The following ATP1A2 variants were observed in gnomAD, a reference collection of about 807,000 sequenced individuals.
ATP1A2 encodes ATPase Na+/K+ transporting subunit alpha 2.
A neutral mutation model predicts 113.1 loss-of-function variants in ATP1A2; 56 were observed. The ratio of observed to expected loss-of-function variants is 0.49; its 90% CI spans 0.40 to 0.62. The LOEUF (loss-of-function observed/expected upper bound fraction) is 0.62. ATP1A2 is among the 20% of genes least tolerant of loss of function. The pLI is 0.00. For missense variants in ATP1A2, 712 were observed against 1,357.8 expected, an observed-to-expected ratio of 0.52 and a Z score of 7.47; for synonymous variants, 490 against 526.8, an observed-to-expected ratio of 0.93 and a Z score of 0.96.
intron 1 of ATP1A2, among the ~76,000 whole-genome samples, chr1:160,120,624 C>T (rs1370423741): frequency 3.9e-5 from 6 of 152,154 alleles, no homozygotes; most frequent in African/African-American, 1.4e-4. Flanking sequence ...TTTCAACAAA[C>T]AAAATCTTAG....
chr1:160,141,420 G>A lies in ATP1A2; in HGVS notation c.*98G>A. ...GGATGGAAATAACGGGTGGCATTGG[G>A]TGGCAACATTTGGGGAGAGATAATG... On this transcript the variant is annotated 3_prime_UTR_variant, in exon 23 of 23. Coordinates refer to ENST00000361216, the MANE Select transcript of ATP1A2 (RefSeq NM_000702.4). 6.6e-7 allele frequency: 1 copy of A among 1,520,600 alleles called. No homozygotes were observed. Among genetic ancestry groups the A allele is most frequent in the Non-Finnish European group, 9.1e-7 (1 of 1,097,202 alleles). 94.2% of individuals were successfully genotyped at this position (1,520,600 alleles called of 1,614,324 possible). A position where few individuals can be genotyped will look rare whatever the true frequency, so the allele number is the denominator to read the frequency against.
At chr1:160,125,968 G>A (rs796395956) in intron 7 of ATP1A2, among the ~76,000 whole-genome samples, 94 of 152,330 alleles carry the variant, frequency 6.2e-4, no homozygotes, top group African/African-American at 2.2e-3. Context: ...TAGGAGGGAA[G>A]AGACAGAAAG....
At chr1:160,138,829 C>A (rs1335313391) in intron 20 of ATP1A2, among the ~76,000 whole-genome samples, 2 of 149,636 alleles carry the variant, frequency 1.3e-5, no homozygotes, top group African/African-American at 2.5e-5. Flanking sequence ...GACTCTGTCT[C>A]AGAAAAAAAA....
At chr1:160,119,836 A>C (rs1346308754) in intron 1 of ATP1A2, among the ~76,000 whole-genome samples, 2 of 151,852 alleles carry the variant, frequency 1.3e-5, no homozygotes, top group Non-Finnish European at 2.9e-5. Context: ...CTAAAAAAAA[A>C]AAAAAAAAAG....
At chr1:160,131,513 C>A (rs1250042578) in intron 13 of ATP1A2, among the ~76,000 whole-genome samples, 1 of 152,096 alleles carries the variant, frequency 6.6e-6, no homozygotes, top group Non-Finnish European at 1.5e-5. Flanking sequence ...CCGAGGCAGG[C>A]ATCATTATCC....
At chr1:160,127,375 T>C (rs527635663) in intron 7 of ATP1A2, among the ~76,000 whole-genome samples, 177 bp from the exon 8 acceptor site, 14 of 152,332 alleles carry the variant, frequency 9.2e-5, no homozygotes, top group African/African-American at 3.1e-4. Flanking sequence ...GATTCAAGGA[T>C]TGGCGATCTA....
intron 4 of ATP1A2, 137 bp downstream of exon 4, chr1:160,123,553 G>A: frequency 2.7e-6 from 3 of 1,114,286 alleles, no homozygotes; most frequent in Non-Finnish European, 4.0e-6. Flanking sequence ...AGGCTGGAAA[G>A]GGGAGAGGCT....
rs1434681546 is a variant in ATP1A2, at chr1:160,135,395, A to AAG, written c.2116-38_2116-37dup. 1.2e-6 allele frequency: 2 copies of AAG among 1,614,078 alleles called. No individual in the cohort carries two copies. Among genetic ancestry groups the AAG allele is most frequent in the South Asian group, 2.2e-5 (2 of 91,074 alleles). On this transcript the variant is annotated intron_variant, in intron 15 of 22. Coordinates refer to ENST00000361216, the MANE Select transcript of ATP1A2 (RefSeq NM_000702.4). This position sits in a 1 kb window ranked among gnomAD's most constrained non-coding sequence, Gnocchi z 6.3. The stretch of plus-strand genomic sequence containing the variant: ...TGAGAGGCGAGGAGCCAGGCTTGGG[A>AAG]AGGGGTTTCGTCCTCAAGTGTGGCC...
At position 160,130,253 on chromosome 1, in the gene ATP1A2, C is replaced by T. The variant is rs746074255; in HGVS notation, c.1613C>T (p.Ala538Val). Residue 538 changes from alanine to valine, a missense_variant, in exon 12 of 23, where the codon GCC becomes GTC. This residue lies in a region of ATP1A2 where 263 missense variants were observed against 380.6 expected (regional missense o/e 0.69). Transcript: ENST00000361216. The stretch of plus-strand genomic sequence containing the variant: ...GAGATGCAAGATGCCTTTCAAAATG[C>T]CTACATGGAGCTGGGGGGACTTGGG... The part of the protein sequence containing the change: ...DKEMQDAFQN[A>V]YMELGGLGER... The T allele has an allele frequency of 6.2e-7, 1 of 1,614,150 alleles. No homozygotes were observed.
intron 13 of ATP1A2, 97 bp from the exon 14 acceptor site, chr1:160,134,387 C>A (rs1368862023): frequency 6.4e-7 from 1 of 1,573,024 alleles, no homozygotes; most frequent in Non-Finnish European, 8.7e-7. Flanking sequence ...CATCCCCAGA[C>A]ATCTCGCTAT....
intron 4 of ATP1A2, among the ~76,000 whole-genome samples, 165 bp from the exon 5 acceptor site, chr1:160,123,777 AG>A (rs1371292571): frequency 6.6e-6 from 1 of 152,166 alleles, no homozygotes; most frequent in Non-Finnish European, 1.5e-5. Context: ...TGGCAGATCA[AG>A]GGGGAGGTTA....
intron 22 of ATP1A2, 54 bp downstream of exon 22, chr1:160,140,038 C>G: frequency 1.9e-6 from 3 of 1,545,006 alleles, no homozygotes; most frequent in African/African-American, 2.7e-5. Flanking sequence ...ACCAGCTCCT[C>G]CCTCCAGGAC....
At chr1:160,116,370 C>T (rs540074256) in intron 1 of ATP1A2, among the ~76,000 whole-genome samples, 6 of 152,172 alleles carry the variant, frequency 3.9e-5, no homozygotes, top group African/African-American at 7.2e-5. Flanking sequence ...CAAGTAGTTC[C>T]GGACACCAGC....
intron 20 of ATP1A2, chr1:160,137,283 C>CGAG: frequency 3.8e-5 from 21 of 554,138 alleles, no homozygotes; most frequent in East Asian, 1.7e-4. Flanking sequence ...TTCTTTCCCC[C>CGAG]ATCTCCTACT....
intron 8 of ATP1A2, 25 bp from the exon 9 acceptor site, chr1:160,128,624 CTTT>C: frequency 6.2e-7 from 1 of 1,614,084 alleles, no homozygotes; most frequent in African/African-American, 1.3e-5. Flanking sequence ...CAGCCTTAAC[CTTT>C]TTTATTCTCC....
rs1297047476 is a variant in ATP1A2, at chr1:160,135,813, C to A, written c.2285-26C>A. 6.2e-7 allele frequency: 1 copy of A among 1,613,996 alleles called. No homozygotes were observed. The highest frequency in any genetic ancestry group is 8.5e-7 in the Non-Finnish European group (1 of 1,180,004). Reference sequence around the variant, plus strand: ...GTGGGGAAGAGTCCCTCTGACCTCCCTGATGCCCTCAGAATCTCCCCACAG... The same window carrying A: ...GTGGGGAAGAGTCCCTCTGACCTCCATGATGCCCTCAGAATCTCCCCACAG... On this transcript the variant is annotated intron_variant, in intron 16 of 22. Coordinates refer to ENST00000361216, the MANE Select transcript of ATP1A2 (RefSeq NM_000702.4). The surrounding 1 kb of genome is among the most constrained non-coding windows in gnomAD (Gnocchi z 6.3).
chr1:160,139,312 T>A (rs537020756), intron 20 of ATP1A2, among the ~76,000 whole-genome samples: 11 of 152,244 alleles, frequency 7.2e-5, no homozygotes, highest in Non-Finnish European at 1.5e-4. Context: ...ATGGGCCCTG[T>A]GCCTGGAGCA....
intron 4 of ATP1A2, among the ~76,000 whole-genome samples, chr1:160,123,733 T>C (rs1651496012): frequency 6.6e-6 from 1 of 152,172 alleles, no homozygotes; most frequent in Non-Finnish European, 1.5e-5. Context: ...CCTAAGACTT[T>C]CCCTCCCATT....
chr1:160,134,569 T>C lies in ATP1A2; in HGVS notation c.1913T>C (p.Val638Ala), dbSNP rs1037666327. Reference sequence around the variant, plus strand: ...ATCATATCAGAGGGTAACGAGACTGTGGAGGACATTGCAGCCCGGCTCAAC... The same window carrying C: ...ATCATATCAGAGGGTAACGAGACTGCGGAGGACATTGCAGCCCGGCTCAAC... ...VGIISEGNET[V>A]EDIAARLNIP... The change falls in exon 14 of 23, where the codon GTG (valine) becomes GCG (alanine). Residue 638 changes from valine (V) to alanine (A), a missense_variant. This residue lies in a region of ATP1A2 where 263 missense variants were observed against 380.6 expected (regional missense o/e 0.69). Coordinates refer to ENST00000361216, the MANE Select transcript of ATP1A2 (RefSeq NM_000702.4). The C allele has an allele frequency of 6.2e-7, 1 of 1,614,176 alleles. No homozygotes were observed. The highest frequency in any genetic ancestry group is 8.5e-7 in the Non-Finnish European group (1 of 1,180,026).
Sources: gnomAD v4.1 joint callset for allele counts (sites outside exome capture counted in the v4.1 genomes callset) on GRCh38, gnomAD v4.1.1 for gene constraint, gnomAD v4.1.1 regional missense constraint, Gnocchi (gnomAD v3.1) non-coding constraint, MANE v1.5 for transcripts, NCBI Gene and HGNC (gene_info 2026-07-23, HGNC 2026-07-21) for gene names.